The following CYP2C18 variants were observed in gnomAD, a reference collection of about 807,000 sequenced individuals.
The protein encoded by CYP2C18 is cytochrome P450 2C18.
A neutral mutation model predicts 41.3 loss-of-function variants in CYP2C18; 38 were observed. The ratio of observed to expected loss-of-function variants is 0.92; its 90% CI spans 0.71 to 1.21. The LOEUF (loss-of-function observed/expected upper bound fraction) is 1.21, where lower values mean the gene tolerates loss of function less well. Among genes scored for constraint, CYP2C18 ranks in the 50% most tolerant of loss-of-function variants. CYP2C18 has a pLI of 0.00. For missense variants in CYP2C18, 635 were observed against 591.4 expected (o/e 1.07, Z -0.77); for synonymous variants, 236 against 210.0 (o/e 1.12, Z -1.07).
chr10:94,731,620 A>G (rs190364885), intron 7 of CYP2C18, among the ~76,000 whole-genome samples: 2 of 152,300 alleles, frequency 1.3e-5, no homozygotes, highest in African/African-American at 4.8e-5. Context: ...AAAAACAGAC[A>G]CACAGACCAA....
At chr10:94,733,478 G>T (rs528778149) in intron 8 of CYP2C18, 40 bp downstream of exon 8, 1 of 1,608,664 alleles carries the variant, frequency 6.2e-7, no homozygotes, top group African/African-American at 1.3e-5. Flanking sequence ...CAGGGCACAT[G>T]ATACCTTTTT....
At chr10:94,692,229 G>A (rs527737081) in intron 3 of CYP2C18, among the ~76,000 whole-genome samples, 1 of 151,944 alleles carries the variant, frequency 6.6e-6, no homozygotes, top group South Asian at 2.1e-4. Context: ...CCATGAGAAT[G>A]AACAAGCAAC....
At chr10:94,687,687 G>T in intron 1 of CYP2C18, 83 bp from the exon 2 acceptor site, 1 of 1,134,420 alleles carries the variant, frequency 8.8e-7, no homozygotes, top group East Asian at 2.4e-5. Context: ...ACATTATGAT[G>T]ATAATATCAG....
intron 4 of CYP2C18, among the ~76,000 whole-genome samples, chr10:94,698,145 C>T (rs778790787): frequency 4.6e-5 from 7 of 152,194 alleles, no homozygotes; most frequent in Non-Finnish European, 1.0e-4. Flanking sequence ...TAGACATCTG[C>T]AGAACTCTCC....
Position 94,735,296 on chromosome 10 carries a change from G to T in CYP2C18, c.1325G>T (p.Arg442Leu), listed in dbSNP as rs111489446. ...ATGTGTATGGGAGAGGGCCTGGCCC[G>T]CATGGAGCTGTTTTTATTCCTGACC... ...KRMCMGEGLARMELFLFLTTI... is the reference protein window; with the variant it reads ...KRMCMGEGLALMELFLFLTTI... Residue 442 changes from arginine to leucine, a missense_variant, in exon 9 of 9, where the codon CGC (arginine) becomes CTC (leucine). By Grantham distance (102) the Arg-to-Leu change is moderately radical. Coordinates refer to ENST00000285979, the MANE Select transcript of CYP2C18 (RefSeq NM_000772.3). 6.8e-4 allele frequency: 1,105 copies of T among 1,613,566 alleles called. 7 individuals are homozygous for T. The African/African-American group carries it at 0.013, about 19-fold the overall frequency.
chr10:94,725,913 T>C (rs147729384), intron 7 of CYP2C18, among the ~76,000 whole-genome samples: 2 of 152,262 alleles, frequency 1.3e-5, no homozygotes, highest in East Asian at 3.9e-4. Flanking sequence ...ATTGAGGAAA[T>C]GTTGGCTTCA....
rs553617662 is a variant in CYP2C18 at position 94,698,127 on chromosome 10, A to G, written c.642+3050A>G. Among the ~76,000 whole-genome samples the G allele has an allele frequency of 9.5e-4, 145 of 152,300 alleles. 1 individual carries two copies. The highest frequency in any genetic ancestry group is 2.2e-3 in the African/African-American group (91 of 41,562). On this transcript the variant is annotated intron_variant, in intron 4 of 8. Transcript: ENST00000285979. ...AACTGAACTCAGCTCTGCACCAAGCAGACCTAATAGACATCTGCAGAACTC... is the reference window on the plus strand; with the variant it reads ...AACTGAACTCAGCTCTGCACCAAGCGGACCTAATAGACATCTGCAGAACTC...
chr10:94,688,426 G>A (rs1846935933), intron 3 of CYP2C18, 152 bp downstream of exon 3: 1 of 964,580 alleles, frequency 1.0e-6, no homozygotes, highest in African/African-American at 1.7e-5. Flanking sequence ...AGGTGTTTAG[G>A]ATATGCATCA....
At chr10:94,694,003 T>C (rs1847065654) in intron 3 of CYP2C18, among the ~76,000 whole-genome samples, 1 of 152,176 alleles carries the variant, frequency 6.6e-6, no homozygotes, top group Non-Finnish European at 1.5e-5. Context: ...TAGTAATTTA[T>C]TGATTTGTAA....
chr10:94,727,634 GAGGAA>G (rs1847764818), intron 7 of CYP2C18, among the ~76,000 whole-genome samples: 1 of 150,794 alleles, frequency 6.6e-6, no homozygotes, highest in East Asian at 2.0e-4. Context: ...AAAAAAAAAA[GAGGAA>G]AGAAAAGAAA....
intron 3 of CYP2C18, among the ~76,000 whole-genome samples, chr10:94,691,143 G>A (rs76999039): frequency 0.2 from 30,330 of 151,916 alleles, 3,199 homozygotes; most frequent in Middle Eastern, 0.23. Context: ...CACCACTCCC[G>A]TTCAACATAG....
At position 94,688,079 on chromosome 10, in the gene CYP2C18, C is replaced by T. The variant is rs553349325; in HGVS notation, c.332-46C>T. 2.1e-5 allele frequency: 34 copies of T among 1,612,312 alleles called. 1 individual carries two copies. The South Asian group carries it at 3.5e-4, about 17-fold the overall frequency. ...GGCTGCCGAGTGTCAGCTCTCTTGT[C>T]CTTGTTTGGATTCTCCCTCGTAGCT... On this transcript the variant is annotated intron_variant, in intron 2 of 8. Transcript: ENST00000285979.
chr10:94,701,334 C>T (rs1426204234), intron 4 of CYP2C18, among the ~76,000 whole-genome samples: 1 of 152,128 alleles, frequency 6.6e-6, no homozygotes, highest in Non-Finnish European at 1.5e-5. Flanking sequence ...ATGGATGAAG[C>T]TGGAAACCAT....
intron 7 of CYP2C18, among the ~76,000 whole-genome samples, chr10:94,729,814 A>C (rs1279731110): frequency 6.6e-5 from 10 of 152,152 alleles, no homozygotes; most frequent in Non-Finnish European, 1.2e-4. Flanking sequence ...TTAGCAAGTT[A>C]AAATGAAGAT....
Position 94,706,926 on chromosome 10 carries a change from A to C in CYP2C18, c.785A>C (p.Asp262Ala). ...TCCCTGGACATGAACAGTGCTCGGGACTTTATTGATTGTTTCCTGATCAAA... is the reference window on the plus strand; with the variant it reads ...TCCCTGGACATGAACAGTGCTCGGGCCTTTATTGATTGTTTCCTGATCAAA... ...QESLDMNSAR[D>A]FIDCFLIKME... The change falls in exon 5 of 9, where the codon GAC becomes GCC. Residue 262 changes from aspartate (D) to alanine (A), a missense_variant. Transcript: ENST00000285979. 6.2e-7 allele frequency: 1 copy of C among 1,609,394 alleles called. No homozygotes were observed. The highest frequency in any genetic ancestry group is 8.5e-7 in the Non-Finnish European group (1 of 1,178,638).
chr10:94,706,699 A>T, intron 4 of CYP2C18, 85 bp from the exon 5 acceptor site: 2 of 716,552 alleles, frequency 2.8e-6, no homozygotes, highest in South Asian at 4.1e-5. Context: ...TTAAAAATTC[A>T]CTCCAGTTTT....
chr10:94,719,455 G>A (rs113035427), intron 5 of CYP2C18, among the ~76,000 whole-genome samples: 1,632 of 151,808 alleles, frequency 0.011, 15 homozygotes, highest in Middle Eastern at 0.027. Flanking sequence ...CCAAGCTGGA[G>A]TGCAGTGGCA....
chr10:94,712,468 T>G (rs558294814), intron 5 of CYP2C18, among the ~76,000 whole-genome samples: 15 of 152,210 alleles, frequency 9.9e-5, no homozygotes, highest in Admixed American at 6.5e-4. Flanking sequence ...GACCTGACTT[T>G]ACTTAGCATA....
At position 94,720,482 on chromosome 10, in the gene CYP2C18, G is replaced by A. The variant is rs200741772; in HGVS notation, c.906G>A (p.Thr302=). ...TGTTTGGGGCTGGAACAGAGACAAC[G>A]AGCACCACTCTGAGATATGGACTCC... is the stretch of plus-strand genomic sequence containing the variant. ...TDMFGAGTET[T]STTLRYGLLL... Residue 302 remains threonine, a synonymous_variant, in exon 6 of 9, where the codon ACG becomes ACA. Transcript: ENST00000285979. 1,047 of 1,613,412 alleles carry A rather than the reference G, an allele frequency of 6.5e-4. 7 individuals carry two copies. The highest frequency in any genetic ancestry group is 2.0e-4 in the Non-Finnish European group (235 of 1,179,576).
Sources: allele counts gnomAD v4.1 joint callset (sites outside exome capture counted in the v4.1 genomes callset), GRCh38; gene constraint gnomAD v4.1.1; transcripts MANE v1.5; gene names NCBI Gene and HGNC (gene_info 2026-07-23, HGNC 2026-07-21).